Variants in BICD2 observed in about 807,000 individuals in gnomAD.
The protein encoded by BICD2 is protein bicaudal D homolog 2.
BICD2 carries 25 observed loss-of-function variants against 72.9 expected under a neutral mutation model. The observed-to-expected ratio is 0.34, with a 90% CI of 0.25 to 0.48. The LOEUF (loss-of-function observed/expected upper bound fraction) is 0.48. Ranked by LOEUF, BICD2 falls within the 20% of genes least tolerant of loss-of-function variation. BICD2 has a pLI of 0.99. For missense variants in BICD2, 894 were observed against 1,175.2 expected, an observed-to-expected ratio of 0.76 and a Z score of 3.50; for synonymous variants, 501 against 516.1, an observed-to-expected ratio of 0.97 and a Z score of 0.40.
At chr9:92,737,338 T>G (rs1259831886) in intron 1 of BICD2, among the ~76,000 whole-genome samples, 1 of 151,990 alleles carries the variant, frequency 6.6e-6, no homozygotes, top group Non-Finnish European at 1.5e-5. Flanking sequence ...GTTCAGGGAG[T>G]TACTCCTTGT....
At chr9:92,733,872 C>A (rs1239002976) in intron 1 of BICD2, among the ~76,000 whole-genome samples, 2 of 151,932 alleles carry the variant, frequency 1.3e-5, no homozygotes, top group South Asian at 2.1e-4. Context: ...GAGGCTGAGG[C>A]AGGAGAATGG....
rs374096969 is a variant in BICD2, at chr9:92,732,608, A to G, written c.241-3372T>C. 2.6e-5 allele frequency among the ~76,000 whole-genome samples: 4 copies of G among 152,352 alleles called. No homozygotes were observed. The East Asian group carries it at 7.7e-4, about 29-fold the overall frequency. Reference sequence around the variant, plus strand: ...AAGGATACATGACTCAAGAGGAGCAAAGATAAATGACAGCTGATTTCTCTA... The same window carrying G: ...AAGGATACATGACTCAAGAGGAGCAGAGATAAATGACAGCTGATTTCTCTA... On this transcript the variant is annotated intron_variant, in intron 1 of 6. Transcript: ENST00000356884.
chr9:92,713,931 G>T lies in BICD2; in HGVS notation c.*1223C>A. The T allele has an allele frequency of 1.0e-6, 1 of 994,132 alleles. No individual in the cohort carries two copies. Among genetic ancestry groups the T allele is most frequent in the Non-Finnish European group, 1.2e-6 (1 of 834,954 alleles). The allele number at this position is 994,132 out of a possible 1,614,324, so 61.6% of individuals were successfully genotyped here. On this transcript the variant is annotated 3_prime_UTR_variant, in exon 7 of 7. Coordinates refer to ENST00000356884, the MANE Select transcript of BICD2 (RefSeq NM_001003800.2). ...GAGAGACAAGGCAAGCAGCCTGCAG[G>T]AGAGAAGACTGCAGCCTCAGGTCCA...
chr9:92,717,590 A>G (rs1189019510), intron 6 of BICD2, among the ~76,000 whole-genome samples: 1 of 152,152 alleles, frequency 6.6e-6, no homozygotes, highest in Non-Finnish European at 1.5e-5. Flanking sequence ...CTTGTCACCA[A>G]CTTGAGCACC....
At chr9:92,757,195 T>C (rs1854277170) in intron 1 of BICD2, among the ~76,000 whole-genome samples, 1 of 151,460 alleles carries the variant, frequency 6.6e-6, no homozygotes, top group Non-Finnish European at 1.5e-5. Flanking sequence ...GCACCTATGG[T>C]CCCAGCTACT....
In BICD2 at chr9:92,764,592, G is replaced by T. The variant is rs1307832803; in HGVS notation, c.153C>A (p.Leu51=). The T allele has an allele frequency of 6.3e-7, 1 of 1,579,328 alleles. No individual in the cohort carries two copies. The highest frequency in any genetic ancestry group is 8.6e-7 in the Non-Finnish European group (1 of 1,163,812). The change falls in exon 1 of 7, where the codon CTC becomes CTA. Residue 51 remains leucine, a synonymous_variant. Coordinates refer to ENST00000356884, the MANE Select transcript of BICD2 (RefSeq NM_001003800.2). The surrounding 1 kb of genome is among the most constrained non-coding windows in gnomAD (Gnocchi z 5.5). ...GCAGCTTGAGCTGGTGCTTCTCCTCGAGCACCGCCAGCCCGTACTCGGCCG... is the reference window on the plus strand; with the variant it reads ...GCAGCTTGAGCTGGTGCTTCTCCTCTAGCACCGCCAGCCCGTACTCGGCCG... The part of the protein sequence containing the change: ...IQAAEYGLAV[L]EEKHQLKLQF...
chr9:92,726,132 C>A (rs10821009), intron 2 of BICD2, among the ~76,000 whole-genome samples: 41,806 of 152,146 alleles, frequency 0.27, 6,857 homozygotes, highest in East Asian at 0.76. Flanking sequence ...CACCTCACCC[C>A]CTACCAGCCA....
At position 92,720,353 on chromosome 9, in the gene BICD2, G is replaced by A; in HGVS notation, c.1009C>T (p.Leu337Phe). 3 of 1,613,974 alleles carry A rather than the reference G, an allele frequency of 1.9e-6. No individual in the cohort carries two copies. The highest frequency in any genetic ancestry group is 2.5e-6 in the Non-Finnish European group (3 of 1,180,038). ...PPSPSLVSDL[L>F]SELNISEIQK... ...ATCTCAGAGATGTTGAGCTCACTGA[G>A]TAGGTCGGAGACGAGGCTGGGGGAG... Residue 337 changes from leucine to phenylalanine, a missense_variant, in exon 4 of 7, where the codon CTC (leucine) becomes TTC (phenylalanine). Physicochemically the swap from Leu to Phe is conservative, Grantham distance 22. Transcript: ENST00000356884. The surrounding 1 kb of genome is among the most constrained non-coding windows in gnomAD (Gnocchi z 5.4).
intron 1 of BICD2, among the ~76,000 whole-genome samples, chr9:92,756,422 C>G (rs1167233797): frequency 6.6e-6 from 1 of 151,848 alleles, no homozygotes; most frequent in African/African-American, 2.4e-5. Flanking sequence ...CCACCAAGCC[C>G]GGCTAATTTT....
At position 92,718,922 on chromosome 9, in the gene BICD2, G is replaced by A. The variant is rs767745546; in HGVS notation, c.1723C>T (p.Pro575Ser). Residue 575 changes from proline (P) to serine (S), a missense_variant, in exon 5 of 7, where the codon CCC becomes TCC. Pro to Ser is a moderately conservative substitution (Grantham distance 74). This residue lies in a region of BICD2 where 321 missense variants were observed against 443.9 expected (regional missense o/e 0.72). Transcript: ENST00000356884. ...GRTSPGGRTSPEARGRRSPIL... is the reference protein window; with the variant it reads ...GRTSPGGRTSSEARGRRSPIL... ...GGTGAGCGCCGGCCACGCGCCTCGG[G>A]GCTGGTGCGGCCCCCGGGACTGGTG... The A allele has an allele frequency of 2.5e-6, 4 of 1,607,502 alleles. No homozygotes were observed. Among genetic ancestry groups the A allele is most frequent in the East Asian group, 2.2e-5 (1 of 44,816 alleles).
At chr9:92,737,446 T>C (rs569147042) in intron 1 of BICD2, among the ~76,000 whole-genome samples, 2 of 152,260 alleles carry the variant, frequency 1.3e-5, no homozygotes, top group Admixed American at 6.5e-5. Context: ...GTTGAGGCTA[T>C]TGTCAATGGA....
At chr9:92,760,919 T>C (rs1006859840) in intron 1 of BICD2, among the ~76,000 whole-genome samples, 3 of 152,188 alleles carry the variant, frequency 2.0e-5, no homozygotes, top group East Asian at 1.9e-4. Context: ...GACCAGGACT[T>C]TTCCTGCTCT....
At position 92,752,830 on chromosome 9, in the gene BICD2, T is replaced by C. The variant is rs528892697; in HGVS notation, c.240+11675A>G. ...AACAAGAGTGGGAGGGAGGGAAAAG[T>C]CTGCCATGCAGAAAAATCGCAAATA... On this transcript the variant is annotated intron_variant, in intron 1 of 6. Coordinates refer to ENST00000356884, the MANE Select transcript of BICD2 (RefSeq NM_001003800.2). Among the ~76,000 whole-genome samples, 13 of 152,278 alleles carry C rather than the reference T, an allele frequency of 8.5e-5. No individual in the cohort carries two copies. In the South Asian group the frequency reaches 2.7e-3, roughly 32 times the overall value.
chr9:92,747,472 C>T (rs1214489593), intron 1 of BICD2, among the ~76,000 whole-genome samples: 1 of 152,308 alleles, frequency 6.6e-6, no homozygotes, highest in East Asian at 1.9e-4. Context: ...TAGGCAACAG[C>T]TCCAGGGATA....
Position 92,756,942 on chromosome 9 carries a change from G to A in BICD2, c.240+7563C>T, listed in dbSNP as rs372737924. The stretch of plus-strand genomic sequence containing the variant: ...AGGGGCAGATAAAGTGGGAATCTCC[G>A]CCTACCGGCACCCTCCACAGCATAA... On this transcript the variant is annotated intron_variant, in intron 1 of 6. Transcript: ENST00000356884. 3.5e-4 allele frequency among the ~76,000 whole-genome samples: 53 copies of A among 152,036 alleles called. No individual in the cohort carries two copies. The East Asian group carries it at 8.0e-3, about 23-fold the overall frequency.
Position 92,713,555 on chromosome 9 carries a change from G to C in BICD2, c.*1599C>G. 6.5e-7 allele frequency: 1 copy of C among 1,548,480 alleles called. No homozygotes were observed. ...AGCTCTCCACGTGCTGGGAGGGCGCGAGCACGTTAGTTGGCAGAAGAGAAG... is the reference window on the plus strand; with the variant it reads ...AGCTCTCCACGTGCTGGGAGGGCGCCAGCACGTTAGTTGGCAGAAGAGAAG... On this transcript the variant is annotated 3_prime_UTR_variant, in exon 7 of 7. Transcript: ENST00000356884.
At position 92,718,752 on chromosome 9, in the gene BICD2, G is replaced by A. The variant is rs141414055; in HGVS notation, c.1893C>T (p.Ile631=). The part of the protein sequence containing the change: ...RREPMNIYNL[I]AIIRDQIKHL... ...GCTTGATCTGGTCACGGATGATAGCGATCAGGTTGTAGATGTTCATGGGCT... is the reference window on the plus strand; with the variant it reads ...GCTTGATCTGGTCACGGATGATAGCAATCAGGTTGTAGATGTTCATGGGCT... Residue 631 remains isoleucine (I), a synonymous_variant, in exon 5 of 7, where the codon ATC becomes ATT. Coordinates refer to ENST00000356884, the MANE Select transcript of BICD2 (RefSeq NM_001003800.2). 3.3e-4 allele frequency: 532 copies of A among 1,613,960 alleles called. No individual in the cohort carries two copies. Among genetic ancestry groups the A allele is most frequent in the Non-Finnish European group, 3.4e-4 (396 of 1,179,998 alleles).
At chr9:92,731,704 G>T (rs1462853794) in intron 1 of BICD2, among the ~76,000 whole-genome samples, 1 of 152,166 alleles carries the variant, frequency 6.6e-6, no homozygotes, top group East Asian at 1.9e-4. Context: ...TGGCAGCAGG[G>T]CAGCCAAGCT....
At chr9:92,741,744 G>A (rs1485099233) in intron 1 of BICD2, among the ~76,000 whole-genome samples, 1 of 152,154 alleles carries the variant, frequency 6.6e-6, no homozygotes, top group East Asian at 1.9e-4. Flanking sequence ...CCCCTTAAAA[G>A]GAGAAGGCAG....
Sources: gnomAD v4.1 joint callset for allele counts (sites outside exome capture counted in the v4.1 genomes callset) on GRCh38, gnomAD v4.1.1 for gene constraint, gnomAD v4.1.1 regional missense constraint, Gnocchi (gnomAD v3.1) non-coding constraint, MANE v1.5 for transcripts, NCBI Gene and HGNC (gene_info 2026-07-23, HGNC 2026-07-21) for gene names.